Variants in PTPRT observed in about 807,000 individuals in gnomAD.
PTPRT encodes protein tyrosine phosphatase receptor type T.
PTPRT carries 56 observed loss-of-function variants against 176.8 expected under a neutral mutation model. The observed-to-expected ratio is 0.32, with a 90% CI of 0.26 to 0.40. The LOEUF (loss-of-function observed/expected upper bound fraction) is 0.40. Ranked by LOEUF, PTPRT falls within the 10% of genes least tolerant of loss-of-function variation. PTPRT has a pLI of 1.00. For synonymous variants in PTPRT, 783 were observed against 739.0 expected (o/e 1.06, Z -0.96); for missense variants, 1,540 against 1,908.2 (o/e 0.81, Z 3.60).
intron 13 of PTPRT, among the ~76,000 whole-genome samples, chr20:42,255,577 G>A (rs1401381091): frequency 1.3e-5 from 2 of 152,174 alleles, no homozygotes; most frequent in African/African-American, 4.8e-5. Flanking sequence ...ATATAGGCAA[G>A]GCCCATATCA....
At chr20:43,102,853 C>A (rs1283731109) in intron 1 of PTPRT, among the ~76,000 whole-genome samples, 1 of 152,150 alleles carries the variant, frequency 6.6e-6, no homozygotes, top group Non-Finnish European at 1.5e-5. Context: ...CCAGAATGAA[C>A]TACTTAAACC....
intron 7 of PTPRT, among the ~76,000 whole-genome samples, chr20:42,518,636 C>A (rs1228740028): frequency 6.6e-6 from 1 of 151,858 alleles, no homozygotes; most frequent in Non-Finnish European, 1.5e-5. Flanking sequence ...TTTGTGTGTG[C>A]GCACGTGCGT....
At chr20:42,663,949 T>C (rs1344923246) in intron 7 of PTPRT, among the ~76,000 whole-genome samples, 1 of 152,226 alleles carries the variant, frequency 6.6e-6, no homozygotes, top group Non-Finnish European at 1.5e-5. Flanking sequence ...AAACTCTCTT[T>C]TGAGCAGCTC....
At chr20:42,748,307 C>G (rs2076719781) in intron 6 of PTPRT, among the ~76,000 whole-genome samples, 1 of 152,172 alleles carries the variant, frequency 6.6e-6, no homozygotes. Context: ...TTAGCCCAGG[C>G]TCTCTGATAC....
At chr20:43,120,735 C>T (rs1015647074) in intron 1 of PTPRT, among the ~76,000 whole-genome samples, 1 of 152,230 alleles carries the variant, frequency 6.6e-6, no homozygotes, top group Non-Finnish European at 1.5e-5. Context: ...AAACGACTGA[C>T]ATATTCTTCC....
At chr20:42,638,364 T>C (rs183272131) in intron 7 of PTPRT, among the ~76,000 whole-genome samples, 104 of 152,166 alleles carry the variant, frequency 6.8e-4, no homozygotes, top group Non-Finnish European at 1.2e-3. Flanking sequence ...GGTCGAAACA[T>C]AAAACAGGTG....
intron 6 of PTPRT, among the ~76,000 whole-genome samples, chr20:42,713,337 C>A (rs900781412): frequency 1.3e-5 from 2 of 152,074 alleles, no homozygotes; most frequent in South Asian, 4.1e-4. Context: ...ATATTTTTAA[C>A]TGCTGCCAGC....
intron 15 of PTPRT, among the ~76,000 whole-genome samples, chr20:42,234,911 A>G (rs1160538413): frequency 6.6e-6 from 1 of 152,326 alleles, no homozygotes; most frequent in East Asian, 1.9e-4. Context: ...ATCTTTATCT[A>G]TGAAGCCTTC....
intron 22 of PTPRT, among the ~76,000 whole-genome samples, chr20:42,113,855 G>C (rs1987140445): frequency 1.3e-5 from 2 of 152,190 alleles, no homozygotes. Context: ...GAGTTCACAG[G>C]CTTCCTGACT....
intron 17 of PTPRT, among the ~76,000 whole-genome samples, chr20:42,145,497 C>CATAGATAG (rs59838948): frequency 0.24 from 33,929 of 144,252 alleles, 4,126 homozygotes; most frequent in East Asian, 0.3. Context: ...GACTTTGTCT[C>CATAGATAG]ATAGATAGAT....
At chr20:42,188,754 C>A (rs1340392379) in intron 16 of PTPRT, among the ~76,000 whole-genome samples, 2 of 152,098 alleles carry the variant, frequency 1.3e-5, no homozygotes, top group African/African-American at 2.4e-5. Context: ...AATTCAAGAC[C>A]ACCTGTGAGG....
At chr20:42,081,805 C>G (rs1983351532) in intron 30 of PTPRT, 77 bp downstream of exon 30, 1 of 1,541,216 alleles carries the variant, frequency 6.5e-7, no homozygotes, top group East Asian at 2.3e-5. Context: ...AGTGATGTTA[C>G]TATTTGATGT....
At chr20:42,226,536 G>A (rs2056015641) in intron 15 of PTPRT, among the ~76,000 whole-genome samples, 3 of 152,098 alleles carry the variant, frequency 2.0e-5, no homozygotes, top group Admixed American at 2.0e-4. Flanking sequence ...AACATTGAGG[G>A]GCTTAACTAA....
intron 16 of PTPRT, among the ~76,000 whole-genome samples, chr20:42,187,717 G>T (rs1034193010): frequency 6.6e-6 from 1 of 152,174 alleles, no homozygotes; most frequent in Admixed American, 6.5e-5. Flanking sequence ...TAATCCATCA[G>T]CTCCTTCACA....
chr20:42,056,388 G>A, the PTPRT span, among the ~76,000 whole-genome samples: 1 of 152,322 alleles, frequency 6.6e-6, no homozygotes, highest in South Asian at 2.1e-4. Context: ...ATGCTTTGGA[G>A]CATTGTGGAG....
intron 6 of PTPRT, among the ~76,000 whole-genome samples, chr20:42,732,082 A>G (rs2076469649): frequency 6.6e-6 from 1 of 152,184 alleles, no homozygotes; most frequent in African/African-American, 2.4e-5. Flanking sequence ...TTCAAAGTCC[A>G]TCTCTCCCTG....
intron 8 of PTPRT, among the ~76,000 whole-genome samples, chr20:42,471,254 G>A (rs564677816): frequency 1.4e-3 from 220 of 152,298 alleles, no homozygotes; most frequent in African/African-American, 4.9e-3. Flanking sequence ...AGGCATCAGT[G>A]CAGTCAAACC....
chr20:42,624,828 G>C (rs2074261822), intron 7 of PTPRT, among the ~76,000 whole-genome samples: 1 of 152,134 alleles, frequency 6.6e-6, no homozygotes, highest in African/African-American at 2.4e-5. Flanking sequence ...AAGGGCTTGA[G>C]GCAGCCTACA....
chr20:42,867,369 T>A (rs181869207), intron 2 of PTPRT, among the ~76,000 whole-genome samples: 1 of 152,072 alleles, frequency 6.6e-6, no homozygotes, highest in Admixed American at 6.6e-5. Context: ...TGTTCATTTC[T>A]TCTATGTGAA....
Sources: gnomAD v4.1 joint callset for allele counts (sites outside exome capture counted in the v4.1 genomes callset) on GRCh38, gnomAD v4.1.1 for gene constraint, MANE v1.5 for transcripts, NCBI Gene and HGNC (gene_info 2026-07-23, HGNC 2026-07-21) for gene names.